SGCZ: variants seen among roughly 807,000 people sequenced by gnomAD.
The protein encoded by SGCZ is zeta-sarcoglycan.
In SGCZ, 40 loss-of-function variants were observed where a neutral mutation model predicts 41.3. The observed-to-expected ratio is 0.97, with a 90% CI of 0.75 to 1.26. The LOEUF is 1.26. Among genes scored for constraint, SGCZ ranks in the 50% most tolerant of loss-of-function variants. The pLI is 0.00. For missense variants in SGCZ, 552 were observed against 369.8 expected (o/e 1.49, Z -4.04); for synonymous variants, 206 against 137.5 (o/e 1.50, Z -3.49).
chr8:14,936,558 A>G lies in SGCZ; in HGVS notation c.39+301027T>C, dbSNP rs192602976. The stretch of plus-strand genomic sequence containing the variant: ...CACCACCATGAAGTCAAAAAATTTT[A>G]AGTTGGACTTTTGTAAGTTTCATAA... On this transcript the variant is annotated intron_variant, in intron 1 of 7. Transcript: ENST00000382080. Among the ~76,000 whole-genome samples, 276 of 152,068 alleles carry G rather than the reference A, an allele frequency of 1.8e-3. 1 individual carries two copies. The highest frequency in any genetic ancestry group is 6.4e-3 in the African/African-American group (268 of 41,556).
At position 15,065,619 on chromosome 8, in the gene SGCZ, G is replaced by A. The variant is rs117068629; in HGVS notation, c.39+171966C>T. On this transcript the variant is annotated intron_variant, in intron 1 of 7. Transcript: ENST00000382080. ...ACCCAGCTAACGTTTTTGTATTTTCGGTAGAGACAGGGTTTTGCCATTTTG... is the reference window on the plus strand; with the variant it reads ...ACCCAGCTAACGTTTTTGTATTTTCAGTAGAGACAGGGTTTTGCCATTTTG... Among the ~76,000 whole-genome samples, 175 of 151,454 alleles carry A rather than the reference G, an allele frequency of 1.2e-3. 3 individuals are homozygous for A. In the East Asian group the frequency reaches 0.033, roughly 28 times the overall value.
Position 14,088,394 on chromosome 8 carries a change from G to C in SGCZ, c.*2049C>G, listed in dbSNP as rs1801590564. Among the ~76,000 whole-genome samples, 1 of 151,718 alleles carries C rather than the reference G, an allele frequency of 6.6e-6. No individual in the cohort carries two copies. On this transcript the variant is annotated 3_prime_UTR_variant, in exon 8 of 8. Coordinates refer to ENST00000382080, the MANE Select transcript of SGCZ (RefSeq NM_139167.4). The stretch of plus-strand genomic sequence containing the variant: ...AAGTTTCTAATTGTTTTAATGGAAG[G>C]ATGATTAGAACTTGAATATGTCTTA...
At chr8:14,638,897 C>G (rs374208442) in intron 1 of SGCZ, among the ~76,000 whole-genome samples, 3 of 151,748 alleles carry the variant, frequency 2.0e-5, no homozygotes, top group Non-Finnish European at 4.4e-5. Context: ...TCATCAAATG[C>G]TGGTTCAGTA....
intron 7 of SGCZ, among the ~76,000 whole-genome samples, chr8:14,090,952 C>T (rs1228698321): frequency 6.6e-6 from 1 of 151,950 alleles, no homozygotes; most frequent in African/African-American, 2.4e-5. Context: ...GACAGTCTCT[C>T]AATTTAATTT....
At chr8:14,470,947 C>G (rs1801197668) in intron 2 of SGCZ, among the ~76,000 whole-genome samples, 1 of 152,106 alleles carries the variant, frequency 6.6e-6, no homozygotes, top group African/African-American at 2.4e-5. Context: ...TGGCCCCAGG[C>G]ACAATCATCA....
intron 1 of SGCZ, among the ~76,000 whole-genome samples, chr8:14,680,945 T>A (rs1450948906): frequency 6.0e-5 from 3 of 50,310 alleles, no homozygotes; most frequent in African/African-American, 1.1e-4. Flanking sequence ...AAATGAAACA[T>A]ACAGAGGAAA....
chr8:15,075,730 G>A (rs1003503975), intron 1 of SGCZ, among the ~76,000 whole-genome samples: 11 of 152,074 alleles, frequency 7.2e-5, no homozygotes, highest in African/African-American at 2.7e-4. Context: ...TACACAAAAT[G>A]CCTTTAGTAT....
chr8:14,480,755 T>C (rs1459595686), intron 2 of SGCZ, among the ~76,000 whole-genome samples: 1 of 152,058 alleles, frequency 6.6e-6, no homozygotes, highest in Non-Finnish European at 1.5e-5. Flanking sequence ...AGAATATATT[T>C]ATAATAACAT....
rs1190993932 is a variant in SGCZ, at chr8:14,087,828, G to C, written c.*2615C>G. On this transcript the variant is annotated 3_prime_UTR_variant, in exon 8 of 8. Coordinates refer to ENST00000382080, the MANE Select transcript of SGCZ (RefSeq NM_139167.4). ...TCTCTGAGGCAGGGATCTTGGCTTA[G>C]ATTCAGAAATCTGAAACAGCTAGTC... 1.3e-5 allele frequency among the ~76,000 whole-genome samples: 2 copies of C among 151,772 alleles called. No individual in the cohort carries two copies. Among genetic ancestry groups the C allele is most frequent in the Non-Finnish European group, 3.0e-5 (2 of 67,742 alleles).
chr8:14,707,037 A>T (rs1809354076), intron 1 of SGCZ, among the ~76,000 whole-genome samples: 1 of 150,146 alleles, frequency 6.7e-6, no homozygotes, highest in Admixed American at 6.6e-5. Context: ...TTTTTTTAAA[A>T]TTTTATTATT....
chr8:14,701,888 T>C (rs1809149057), intron 1 of SGCZ, among the ~76,000 whole-genome samples: 1 of 151,970 alleles, frequency 6.6e-6, no homozygotes, highest in Non-Finnish European at 1.5e-5. Context: ...CCTAAAAATA[T>C]GTGGAAATAG....
intron 1 of SGCZ, among the ~76,000 whole-genome samples, chr8:15,177,642 G>A (rs1455701173): frequency 2.0e-5 from 3 of 152,116 alleles, no homozygotes; most frequent in African/African-American, 7.2e-5. Flanking sequence ...AATATTCAAA[G>A]CAAGATAAAG....
intron 1 of SGCZ, among the ~76,000 whole-genome samples, chr8:15,222,384 G>T (rs1218122945): frequency 6.6e-6 from 1 of 151,978 alleles, no homozygotes; most frequent in Non-Finnish European, 1.5e-5. Flanking sequence ...CAGCATTAAT[G>T]ACAAGGCTTA....
chr8:14,356,795 G>A (rs1803312756), intron 2 of SGCZ, among the ~76,000 whole-genome samples: 1 of 151,894 alleles, frequency 6.6e-6, no homozygotes, highest in Non-Finnish European at 1.5e-5. Context: ...ACTAGGTAGG[G>A]CCAATAACCA....
intron 1 of SGCZ, among the ~76,000 whole-genome samples, chr8:14,747,667 A>ATTAT (rs1394757441): frequency 7.0e-6 from 1 of 142,384 alleles, no homozygotes; most frequent in African/African-American, 2.6e-5. Context: ...AGGCATTATT[A>ATTAT]TTATTATTAT....
intron 4 of SGCZ, among the ~76,000 whole-genome samples, chr8:14,191,639 A>G (rs1452448082): frequency 6.6e-6 from 1 of 152,176 alleles, no homozygotes; most frequent in Non-Finnish European, 1.5e-5. Context: ...TGTAACCCTG[A>G]GCTGGCCAGT....
At position 14,268,300 on chromosome 8, in the gene SGCZ, ATT is replaced by A. The variant is rs528486865; in HGVS notation, c.337-30623_337-30622del. 5.5e-3 allele frequency among the ~76,000 whole-genome samples: 829 copies of A among 149,676 alleles called. 7 individuals carry two copies. The highest frequency in any genetic ancestry group is 0.019 in the African/African-American group (793 of 41,132). On this transcript the variant is annotated intron_variant, in intron 3 of 7. Transcript: ENST00000382080. The stretch of plus-strand genomic sequence containing the variant: ...TCCCAGGATACATATACATATATAT[ATT>A]TGTTATAGTTAAAAGCAAATCAATG...
At chr8:14,349,257 C>G (rs924308449) in intron 2 of SGCZ, among the ~76,000 whole-genome samples, 4 of 152,092 alleles carry the variant, frequency 2.6e-5, no homozygotes, top group African/African-American at 9.7e-5. Context: ...AGAAGGTACT[C>G]CTTCAATTCC....
At chr8:14,600,839 A>G in intron 1 of SGCZ, among the ~76,000 whole-genome samples, 1 of 151,998 alleles carries the variant, frequency 6.6e-6, no homozygotes, top group East Asian at 1.9e-4. Flanking sequence ...AATTAAATCA[A>G]TAGTAGAACC....
Sources: gnomAD v4.1 joint callset for allele counts (sites outside exome capture counted in the v4.1 genomes callset) on GRCh38, gnomAD v4.1.1 for gene constraint, MANE v1.5 for transcripts, NCBI Gene and HGNC (gene_info 2026-07-23, HGNC 2026-07-21) for gene names.